Variants in ATF6 observed in about 807,000 individuals in gnomAD.
ATF6 encodes the protein cyclic AMP-dependent transcription factor ATF-6 alpha.
ATF6 carries 53 observed loss-of-function variants against 83.6 expected under a neutral mutation model. The observed-to-expected ratio is 0.63, with a 90% CI of 0.51 to 0.80. The LOEUF is 0.80. Among genes scored for constraint, ATF6 ranks in the 30% least tolerant of loss-of-function variants. ATF6 has a pLI of 0.00. For synonymous variants in ATF6, 288 were observed against 285.8 expected (o/e 1.01, Z -0.08); for missense variants, 744 against 797.9 (o/e 0.93, Z 0.81).
chr1:161,786,228 A>C (rs964253401), intron 4 of ATF6, among the ~76,000 whole-genome samples: 1 of 152,066 alleles, frequency 6.6e-6, no homozygotes, highest in Non-Finnish European at 1.5e-5. Flanking sequence ...CAGGTTATCC[A>C]CCTGCCTCGG....
At chr1:161,952,056 C>T (rs1171417716) in intron 15 of ATF6, among the ~76,000 whole-genome samples, 1 of 152,144 alleles carries the variant, frequency 6.6e-6, no homozygotes, top group African/African-American at 2.4e-5. Flanking sequence ...AGTGCTCTCC[C>T]AATTATCTGA....
chr1:161,941,349 A>G (rs146999214), intron 15 of ATF6, among the ~76,000 whole-genome samples: 19 of 152,326 alleles, frequency 1.2e-4, no homozygotes, highest in Admixed American at 5.2e-4. Context: ...AGGCCCAGCT[A>G]TAGTCTAGGT....
chr1:161,854,892 G>A (rs1686724468), intron 12 of ATF6, among the ~76,000 whole-genome samples: 1 of 151,934 alleles, frequency 6.6e-6, no homozygotes, highest in Non-Finnish European at 1.5e-5. Context: ...AGATTTAGGG[G>A]AAAATCTGGA....
Position 161,929,572 on chromosome 1 carries a change from C to T in ATF6, c.1804+17192C>T, listed in dbSNP as rs559845021. Among the ~76,000 whole-genome samples, 206 of 152,310 alleles carry T rather than the reference C, an allele frequency of 1.4e-3. 2 individuals carry two copies. The highest frequency in any genetic ancestry group is 6.8e-3 in the Middle Eastern group (2 of 294). ...ATACACTTAACTAGTAGGAGGTCAGCTCTATCTCACAAGATAGGAGGTTCT... is the reference window on the plus strand; with the variant it reads ...ATACACTTAACTAGTAGGAGGTCAGTTCTATCTCACAAGATAGGAGGTTCT... On this transcript the variant is annotated intron_variant, in intron 15 of 15. Coordinates refer to ENST00000367942, the MANE Select transcript of ATF6 (RefSeq NM_007348.4).
At chr1:161,921,385 A>T (rs143665643) in intron 15 of ATF6, among the ~76,000 whole-genome samples, 1 of 152,218 alleles carries the variant, frequency 6.6e-6, no homozygotes, top group Admixed American at 6.5e-5. Context: ...TAAGAATTGT[A>T]TATAGAAAAA....
At chr1:161,778,209 G>T in intron 1 of ATF6, 35 bp from the exon 2 acceptor site, 2 of 1,559,430 alleles carry the variant, frequency 1.3e-6, no homozygotes, top group South Asian at 2.2e-5. Flanking sequence ...TAATTGAATT[G>T]ACAGTTCATT....
At chr1:161,914,584 C>T (rs1688053459) in intron 15 of ATF6, among the ~76,000 whole-genome samples, 1 of 152,194 alleles carries the variant, frequency 6.6e-6, no homozygotes, top group African/African-American at 2.4e-5. Flanking sequence ...TTATCATCAT[C>T]AACAGCAGCA....
chr1:161,912,461 A>T (rs991437725), intron 15 of ATF6, 81 bp downstream of exon 15: 6 of 913,356 alleles, frequency 6.6e-6, no homozygotes, highest in Non-Finnish European at 9.9e-6. Context: ...AAAGACATTT[A>T]AAATGTTCAG....
At chr1:161,874,727 A>G (rs1687174786) in intron 14 of ATF6, among the ~76,000 whole-genome samples, 1 of 151,698 alleles carries the variant, frequency 6.6e-6, no homozygotes, top group African/African-American at 2.4e-5. Flanking sequence ...GCTTTTGAAT[A>G]TCTATTCTAG....
chr1:161,767,120 T>C (rs1684282850), intron 1 of ATF6, among the ~76,000 whole-genome samples: 1 of 152,208 alleles, frequency 6.6e-6, no homozygotes, highest in Non-Finnish European at 1.5e-5. Context: ...GTTATCTAAG[T>C]ATTTAGAGGA....
At chr1:161,833,558 T>TA (rs1254125067) in intron 9 of ATF6, among the ~76,000 whole-genome samples, 1 of 152,044 alleles carries the variant, frequency 6.6e-6, no homozygotes, top group African/African-American at 2.4e-5. Context: ...GAGAAGTCCT[T>TA]AAAGGACCTG....
chr1:161,927,821 A>G (rs1477775917), intron 15 of ATF6, among the ~76,000 whole-genome samples: 2 of 152,210 alleles, frequency 1.3e-5, no homozygotes, highest in African/African-American at 4.8e-5. Flanking sequence ...TTGGAATACT[A>G]TTACTGTTAA....
intron 7 of ATF6, among the ~76,000 whole-genome samples, chr1:161,805,258 A>C (rs1216424480): frequency 6.6e-6 from 1 of 152,142 alleles, no homozygotes; most frequent in East Asian, 1.9e-4. Context: ...TTCATTAAAA[A>C]TACTTTAAAT....
intron 9 of ATF6, chr1:161,840,459 T>C (rs1686328432): frequency 6.6e-6 from 1 of 152,304 alleles, no homozygotes; most frequent in South Asian, 2.1e-4. Flanking sequence ...AGCAGTATGG[T>C]TCTTACCTGG....
At chr1:161,915,594 A>G (rs149875293) in intron 15 of ATF6, among the ~76,000 whole-genome samples, 33 of 150,652 alleles carry the variant, frequency 2.2e-4, no homozygotes, top group African/African-American at 7.3e-4. Context: ...CTTCTTCTCT[A>G]CTGGGTCATT....
chr1:161,821,622 A>T (rs1685765093), intron 9 of ATF6, among the ~76,000 whole-genome samples: 1 of 152,224 alleles, frequency 6.6e-6, no homozygotes, highest in South Asian at 2.1e-4. Context: ...TGACATGTTC[A>T]TAAAAAAGTG....
chr1:161,773,546 G>T (rs959780310), intron 1 of ATF6, among the ~76,000 whole-genome samples: 10 of 152,124 alleles, frequency 6.6e-5, no homozygotes. Context: ...GATTACAGGC[G>T]TGAGCCATCA....
intron 15 of ATF6, among the ~76,000 whole-genome samples, chr1:161,937,059 A>G (rs1192993630): frequency 6.6e-6 from 1 of 152,174 alleles, no homozygotes; most frequent in African/African-American, 2.4e-5. Flanking sequence ...ACCACTTTGG[A>G]CCAAATCATC....
At chr1:161,951,355 G>A (rs543005120) in intron 15 of ATF6, among the ~76,000 whole-genome samples, 41 of 152,342 alleles carry the variant, frequency 2.7e-4, no homozygotes, top group African/African-American at 9.6e-4. Flanking sequence ...GAACTATTCT[G>A]CGATGGCACT....
Sources: allele counts gnomAD v4.1 joint callset (sites outside exome capture counted in the v4.1 genomes callset), GRCh38; gene constraint gnomAD v4.1.1; transcripts MANE v1.5; gene names NCBI Gene and HGNC (gene_info 2026-07-23, HGNC 2026-07-21).